Variants in CCDC187 observed in about 807,000 individuals in gnomAD.
CCDC187 encodes the protein coiled-coil domain-containing protein 187.
CCDC187 carries 32 observed loss-of-function variants against 38.0 expected under a neutral mutation model. The ratio of observed to expected loss-of-function variants is 0.84; its 90% CI spans 0.64 to 1.13. The LOEUF (loss-of-function observed/expected upper bound fraction) is 1.13. CCDC187 is among the 50% of genes most tolerant of loss of function. CCDC187 has a pLI of 0.00. For missense variants in CCDC187, 707 were observed against 786.8 expected, an observed-to-expected ratio of 0.90 and a Z score of 1.21; for synonymous variants, 333 against 347.9, an observed-to-expected ratio of 0.96 and a Z score of 0.48.
intron 2 of CCDC187, among the ~76,000 whole-genome samples, chr9:136,302,079 G>A (rs1420078000): frequency 1.3e-5 from 2 of 151,882 alleles, no homozygotes; most frequent in Admixed American, 6.6e-5. Flanking sequence ...GCATAGTGAC[G>A]GGTGCCTGTA....
intron 7 of CCDC187, 86 bp downstream of exon 7, chr9:136,289,873 G>A (rs1831272476): frequency 7.6e-6 from 3 of 395,168 alleles, no homozygotes; most frequent in Middle Eastern, 6.3e-4. Context: ...GCAATGTCAC[G>A]AGGGCCCCAG....
chr9:136,298,796 G>A (rs1831600175), intron 3 of CCDC187, among the ~76,000 whole-genome samples: 1 of 152,262 alleles, frequency 6.6e-6, no homozygotes, highest in Non-Finnish European at 1.5e-5. Flanking sequence ...GGCTGGGGGA[G>A]AGGGATGGAG....
At chr9:136,278,628 G>C (rs1830978807) in intron 10 of CCDC187, among the ~76,000 whole-genome samples, 1 of 152,204 alleles carries the variant, frequency 6.6e-6, no homozygotes, top group Non-Finnish European at 1.5e-5. Flanking sequence ...TAGTGATGAT[G>C]TTAACTAGCT....
intron 9 of CCDC187, 89 bp downstream of exon 9, chr9:136,285,421 GGGC>G: frequency 3.7e-6 from 1 of 271,220 alleles, no homozygotes; most frequent in Non-Finnish European, 6.6e-6. Context: ...CCGTGAGCGT[GGGC>G]GGGCAGGTGG....
rs1280358047 is a variant in CCDC187, at chr9:136,249,999, C to A, written c.*3595G>T. 1 of 152,182 alleles carries A rather than the reference C, an allele frequency of 6.6e-6. No homozygotes were observed. Among genetic ancestry groups the A allele is most frequent in the Non-Finnish European group, 1.5e-5 (1 of 68,036 alleles). The allele number at this position is 152,182 out of a possible 1,614,324, so 9.4% of individuals were successfully genotyped here. A position where few individuals can be genotyped will look rare whatever the true frequency, so the allele number is the denominator to read the frequency against. On this transcript the variant is annotated 3_prime_UTR_variant, in exon 26 of 26. Transcript: ENST00000638797. ...GGAGGCTGGTATCAAGATTTATTGG[C>A]CCAAGCGGTGACGACAGATCAGAGC...
rs1402221683 is a variant in CCDC187, at chr9:136,300,995, G to A, written c.626-677C>T. Among the ~76,000 whole-genome samples the A allele has an allele frequency of 9.8e-5, 15 of 152,354 alleles. No individual in the cohort carries two copies. The East Asian group carries it at 1.5e-3, about 16-fold the overall frequency. ...GAGCTGCACCAGCGCTTGGCACGAC[G>A]CAGGCATCTCACACAGAAACGCCTC... On this transcript the variant is annotated intron_variant, in intron 2 of 25. Coordinates refer to ENST00000638797, the MANE Select transcript of CCDC187 (RefSeq NM_001378188.1).
intron 24 of CCDC187, 60 bp from the exon 25 acceptor site, chr9:136,255,793 G>A: frequency 1.1e-6 from 1 of 879,480 alleles, no homozygotes; most frequent in South Asian, 5.2e-5. Context: ...CTCTTCCCCA[G>A]GGCCCACTGT....
At chr9:136,293,320 C>A (rs1183233469) in intron 4 of CCDC187, among the ~76,000 whole-genome samples, 6 of 149,934 alleles carry the variant, frequency 4.0e-5, no homozygotes, top group Middle Eastern at 3.6e-3. Context: ...CACACTCACA[C>A]TCACATGCTT....
chr9:136,274,144 C>T lies in CCDC187; in HGVS notation c.3442+514G>A, dbSNP rs117776974. On this transcript the variant is annotated intron_variant, in intron 14 of 25. Transcript: ENST00000638797. The stretch of plus-strand genomic sequence containing the variant: ...GTTCCTGTTCCCGAAGATGCCAAGA[C>T]AGGTTGTACCCAGGCTTCCAGGAGA... Among the ~76,000 whole-genome samples the T allele has an allele frequency of 5.1e-4, 77 of 152,328 alleles. No individual in the cohort carries two copies. In the East Asian group the frequency reaches 0.014, roughly 27 times the overall value.
rs1450822580 is a variant in CCDC187 at position 136,293,459 on chromosome 9, T to TCA, written c.833-1166_833-1165dup. Among the ~76,000 whole-genome samples, 3 of 40,140 alleles carry TCA rather than the reference T, an allele frequency of 7.5e-5. No individual in the cohort carries two copies. The East Asian group carries it at 1.7e-3, about 23-fold the overall frequency. The allele number at this position is 40,140 out of a possible 152,430, so 26.3% of individuals were successfully genotyped here. Reference sequence around the variant, plus strand: ...CTCACACACTCACACATGCTCACACTCACACTCACATGCTCACACACTCAC... The same window carrying TCA: ...CTCACACACTCACACATGCTCACACTCACACACTCACATGCTCACACACTCAC... On this transcript the variant is annotated intron_variant, in intron 4 of 25. Transcript: ENST00000638797.
intron 17 of CCDC187, 102 bp downstream of exon 17, chr9:136,265,854 T>G: frequency 5.4e-6 from 3 of 559,412 alleles, no homozygotes; most frequent in Non-Finnish European, 6.8e-6. Context: ...TGGGAATTCT[T>G]TAGCTCTGTT....
At chr9:136,284,272 C>T (rs912506660) in intron 9 of CCDC187, among the ~76,000 whole-genome samples, 101 of 152,260 alleles carry the variant, frequency 6.6e-4, no homozygotes, top group African/African-American at 2.3e-3. Flanking sequence ...CTCATGCCCT[C>T]GGCCACCCAG....
At position 136,263,684 on chromosome 9, in the gene CCDC187, T is replaced by G; in HGVS notation, c.3850A>C (p.Ile1284Leu). The change falls in exon 18 of 26, where the codon ATC becomes CTC. Residue 1284 changes from isoleucine (I) to leucine (L), a missense_variant. Physicochemically the swap from Ile to Leu is conservative, Grantham distance 5. Transcript: ENST00000638797. ...GGGACGACGTCCGTGGGCCCCGGGA[T>G]GGGGAGGATGTCCACAGGCCCCGGC... ...SMPGPVDILP[I>L]PGPTDVVPAH... is the part of the protein sequence containing the mutation. 2 of 985,400 alleles carry G rather than the reference T, an allele frequency of 2.0e-6. No individual in the cohort carries two copies. Among genetic ancestry groups the G allele is most frequent in the Non-Finnish European group, 2.4e-6 (2 of 829,898 alleles). The allele number at this position is 985,400 out of a possible 1,614,324, so 61.0% of individuals were successfully genotyped here. A position where few individuals can be genotyped will look rare whatever the true frequency, so the allele number is the denominator to read the frequency against.
In CCDC187 at chr9:136,254,429, T is replaced by C. The variant is rs949935735; in HGVS notation, c.5399A>G (p.Gln1800Arg). ...GGACCGTGGGGAGGGAGGAGCCACC[T>C]GGGGCTCCACGCCGCTTCCAAGGCC... ...SLGLGSGVEP[Q>R]VAPPSPRSGE... Residue 1800 changes from glutamine to arginine, a missense_variant, in exon 26 of 26, where the codon CAG becomes CGG. Physicochemically the swap from Gln to Arg is conservative, Grantham distance 43. Coordinates refer to ENST00000638797, the MANE Select transcript of CCDC187 (RefSeq NM_001378188.1). 18 of 984,996 alleles carry C rather than the reference T, an allele frequency of 1.8e-5. No homozygotes were observed. Among genetic ancestry groups the C allele is most frequent in the South Asian group, 4.7e-5 (1 of 21,266 alleles). The allele number at this position is 984,996 out of a possible 1,614,324, so 61.0% of individuals were successfully genotyped here.
At chr9:136,292,900 G>A (rs969409891) in intron 4 of CCDC187, among the ~76,000 whole-genome samples, 2 of 152,214 alleles carry the variant, frequency 1.3e-5, no homozygotes, top group African/African-American at 4.8e-5. Context: ...ACGGCCCCAC[G>A]TCCCGAGTAC....
intron 4 of CCDC187, among the ~76,000 whole-genome samples, chr9:136,295,344 C>T (rs1404359849): frequency 3.3e-5 from 5 of 152,308 alleles, no homozygotes; most frequent in South Asian, 4.1e-4. Flanking sequence ...CAGAGGGTCC[C>T]GCTCGATAAA....
chr9:136,269,633 T>A (rs782689281), intron 14 of CCDC187, among the ~76,000 whole-genome samples: 3 of 151,394 alleles, frequency 2.0e-5, no homozygotes, highest in African/African-American at 7.3e-5. Flanking sequence ...GGCAACAGAG[T>A]GAGACTGTCT....
chr9:136,261,804 G>A (rs781834993), intron 19 of CCDC187, among the ~76,000 whole-genome samples: 3 of 152,228 alleles, frequency 2.0e-5, no homozygotes, highest in Admixed American at 6.5e-5. Context: ...GGGGTTCTGT[G>A]ATAGAGTCTT....
chr9:136,293,441 ACT>A (rs1378391956), intron 4 of CCDC187, among the ~76,000 whole-genome samples: 37 of 25,596 alleles, frequency 1.4e-3, no homozygotes, highest in Admixed American at 0.012. Context: ...ATGCTCACAC[ACT>A]CACACATGCT....
Sources: gnomAD v4.1 joint callset for allele counts (sites outside exome capture counted in the v4.1 genomes callset) on GRCh38, gnomAD v4.1.1 for gene constraint, MANE v1.5 for transcripts, NCBI Gene and HGNC (gene_info 2026-07-23, HGNC 2026-07-21) for gene names.